PKD1: variants seen among roughly 807,000 people sequenced by gnomAD.
PKD1 encodes polycystin 1, transient receptor potential channel interacting.
Under a neutral mutation model 361.7 loss-of-function variants are expected in PKD1, and 81 were observed. That is an observed-to-expected ratio of 0.22 (90% CI 0.19 to 0.27). The LOEUF is 0.27. Ranked by LOEUF, PKD1 falls within the 10% of genes least tolerant of loss-of-function variation. The pLI, the probability that PKD1 is intolerant of heterozygous loss-of-function variation, is 1.00. For synonymous variants in PKD1, 3,615 were observed against 2,818.3 expected, an observed-to-expected ratio of 1.28 and a Z score of -8.95; for missense variants, 6,399 against 6,118.3, an observed-to-expected ratio of 1.05 and a Z score of -1.53.
rs901261694 is a variant in PKD1 at position 2,089,590 on chromosome 16, A to G, written c.*137T>C. On this transcript the variant is annotated 3_prime_UTR_variant, in exon 46 of 46. Coordinates refer to ENST00000262304, the MANE Select transcript of PKD1 (RefSeq NM_001009944.3). Reference sequence around the variant, plus strand: ...CTTTAAAGTGCTGAAGCCCACAGACAGACAGATGCCCCTGCCTGCTCTCTG... The same window carrying G: ...CTTTAAAGTGCTGAAGCCCACAGACGGACAGATGCCCCTGCCTGCTCTCTG... The G allele has an allele frequency of 2.4e-5, 27 of 1,108,752 alleles. No individual in the cohort carries two copies. In the Admixed American group the frequency reaches 4.6e-4, roughly 19 times the overall value. The allele number at this position is 1,108,752 out of a possible 1,614,324, so 68.7% of individuals were successfully genotyped here.
rs373327969 is a variant in PKD1 at position 2,098,600 on chromosome 16, G to A, written c.10051-616C>T. 9.9e-3 allele frequency among the ~76,000 whole-genome samples: 1,412 copies of A among 142,280 alleles called. 4 individuals carry two copies. Among genetic ancestry groups the A allele is most frequent in the Middle Eastern group, 0.024 (7 of 286 alleles). 93.3% of individuals were successfully genotyped at this position (142,280 alleles called of 152,430 possible). On this transcript the variant is annotated intron_variant, in intron 30 of 45. Coordinates refer to ENST00000262304, the MANE Select transcript of PKD1 (RefSeq NM_001009944.3). Reference sequence around the variant, plus strand: ...CTCGGGAGCAACCCCTCCTGGTCGCGGCTTATGCGCCTTCTCTGTGTGCTG... The same window carrying A: ...CTCGGGAGCAACCCCTCCTGGTCGCAGCTTATGCGCCTTCTCTGTGTGCTG...
chr16:2,114,546 A>T lies in PKD1; in HGVS notation c.2477T>A (p.Val826Asp). 2 of 1,593,396 alleles carry T rather than the reference A, an allele frequency of 1.3e-6. No individual in the cohort carries two copies. The highest frequency in any genetic ancestry group is 1.7e-6 in the Non-Finnish European group (2 of 1,178,602). Reference protein sequence around the residue: ...DVVSPVAGLRVIYPAPRDGRL... With the variant: ...DVVSPVAGLRDIYPAPRDGRL... ...GCCGTCGCGGGGGGCAGGGTAGATGACCCGCAGCCCAGCCACTGGGGAGAC... is the reference window on the plus strand; with the variant it reads ...GCCGTCGCGGGGGGCAGGGTAGATGTCCCGCAGCCCAGCCACTGGGGAGAC... Residue 826 changes from valine (V) to aspartate (D), a missense_variant, in exon 11 of 46, where the codon GTC becomes GAC. Physicochemically the swap from Val to Asp is radical, Grantham distance 152. Coordinates refer to ENST00000262304, the MANE Select transcript of PKD1 (RefSeq NM_001009944.3).
rs1114167373 is a variant in PKD1, at chr16:2,109,181, C to T, written c.5986G>A (p.Val1996Met). Residue 1996 changes from valine (V) to methionine (M), a missense_variant, in exon 15 of 46, where the codon GTG becomes ATG. Val to Met is a conservative substitution (Grantham distance 21). Transcript: ENST00000262304. ...TAGGCGACCCGAGAGCCGCGCTGCA[C>T]GCGGGCTGTGAAGTTCCTCTCAGTG... is the stretch of plus-strand genomic sequence containing the variant. ...TGTERNFTAR[V>M]QRGSRVAYAW... 11 of 1,598,872 alleles carry T rather than the reference C, an allele frequency of 6.9e-6. No individual in the cohort carries two copies. The highest frequency in any genetic ancestry group is 2.2e-5 in the East Asian group (1 of 44,578).
rs1033698873 is a variant in PKD1, at chr16:2,090,142, G to A, written c.12497C>T (p.Ser4166Phe). 5.0e-6 allele frequency: 8 copies of A among 1,595,504 alleles called. No individual in the cohort carries two copies. The highest frequency in any genetic ancestry group is 6.0e-6 in the Non-Finnish European group (7 of 1,170,092). The change falls in exon 46 of 46, where the codon TCC becomes TTC. Residue 4166 changes from serine (S) to phenylalanine (F), a missense_variant. Transcript: ENST00000262304. ...ATCCGGGGATACCTTGGAGCCCCTG[G>A]AGGAGCGAGAGGGCAGCGGCTCCAT... ...EGMEPLPSRS[S>F]RGSKVSPDVP...
intron 1 of PKD1, among the ~76,000 whole-genome samples, chr16:2,125,796 C>CCAG (rs1415321729): frequency 6.6e-6 from 1 of 151,954 alleles, no homozygotes; most frequent in African/African-American, 2.4e-5. Flanking sequence ...TGACATGGAG[C>CCAG]CAGGCGTTGT....
In PKD1 at chr16:2,116,552, A is replaced by C; in HGVS notation, c.1699T>G (p.Ser567Ala). The part of the protein sequence containing the change: ...LTPLAQQDGL[S>A]APHEPVEVMV... ...ACCTCCACGGGCTCGTGCGGGGCTGAGAGGCCGTCCTGCTGTGCCAGAGGC... is the reference window on the plus strand; with the variant it reads ...ACCTCCACGGGCTCGTGCGGGGCTGCGAGGCCGTCCTGCTGTGCCAGAGGC... The change falls in exon 8 of 46, where the codon TCA (serine) becomes GCA (alanine). Residue 567 changes from serine to alanine, a missense_variant. Ser to Ala is a moderately conservative substitution (Grantham distance 99). Transcript: ENST00000262304. The C allele has an allele frequency of 6.4e-7, 1 of 1,557,970 alleles. No individual in the cohort carries two copies. The highest frequency in any genetic ancestry group is 8.7e-7 in the Non-Finnish European group (1 of 1,153,104).
intron 39 of PKD1, 49 bp from the exon 40 acceptor site, chr16:2,092,237 A>C: frequency 1.3e-6 from 2 of 1,538,952 alleles, no homozygotes; most frequent in Non-Finnish European, 1.8e-6. Context: ...ATCAAAACCC[A>C]ACAGGAGTGT....
At chr16:2,105,122 C>T (rs1427481836) in intron 21 of PKD1, among the ~76,000 whole-genome samples, 200 bp downstream of exon 21, 2 of 149,432 alleles carry the variant, frequency 1.3e-5, no homozygotes, top group African/African-American at 4.9e-5. Context: ...ACCCTGGGTC[C>T]CCCGAGAGGC....
chr16:2,123,759 G>A (rs797019968), intron 1 of PKD1, among the ~76,000 whole-genome samples: 1 of 152,190 alleles, frequency 6.6e-6, no homozygotes, highest in Non-Finnish European at 1.5e-5. Flanking sequence ...TGGGGTCCCA[G>A]GCCCTTGCTG....
chr16:2,132,005 C>G (rs1316094770), intron 1 of PKD1: 1 of 152,212 alleles, frequency 6.6e-6, no homozygotes, highest in Non-Finnish European at 1.5e-5. Context: ...AATCCCAACA[C>G]TTTGGGAGGC....
In PKD1 at chr16:2,100,230, A is replaced by G. The variant is rs531671902; in HGVS notation, c.9648T>C (p.Asn3216=). The change falls in exon 28 of 46, where the codon AAT becomes AAC. Residue 3216 remains asparagine, a synonymous_variant. Coordinates refer to ENST00000262304, the MANE Select transcript of PKD1 (RefSeq NM_001009944.3). The surrounding 1 kb of genome is among the most constrained non-coding windows in gnomAD (Gnocchi z 4.4). ...QTARSAFFLV[N]DWLSVETEAN... is the part of the protein sequence containing the mutation. Reference sequence around the variant, plus strand: ...CCTCCGTCTCCACCGAAAGCCAGTCATTGACCAGGAAGAAGGCGCTGCGTG... The same window carrying G: ...CCTCCGTCTCCACCGAAAGCCAGTCGTTGACCAGGAAGAAGGCGCTGCGTG... 12 of 1,610,620 alleles carry G rather than the reference A, an allele frequency of 7.5e-6. No homozygotes were observed. In the Admixed American group the frequency reaches 8.3e-5, roughly 11 times the overall value.
chr16:2,093,166 G>C, intron 37 of PKD1, 73 bp from the exon 38 acceptor site: 1 of 1,560,142 alleles, frequency 6.4e-7, no homozygotes, highest in East Asian at 2.2e-5. Context: ...GCAACGGCTG[G>C]AGCCATGGCT....
chr16:2,112,949 G>A lies in PKD1; in HGVS notation c.3000C>T (p.Asn1000=), dbSNP rs1425489093. The change falls in exon 13 of 46, where the codon AAC becomes AAT. Residue 1000 remains asparagine (N), a synonymous_variant. Coordinates refer to ENST00000262304, the MANE Select transcript of PKD1 (RefSeq NM_001009944.3). ...AGTTCACGGTGACGTTGCTCACGTGGTTGGAGGCCGTCAGCTGCAGGGACA... is the reference window on the plus strand; with the variant it reads ...AGTTCACGGTGACGTTGCTCACGTGATTGGAGGCCGTCAGCTGCAGGGACA... ...AVFKLSLTAS[N]HVSNVTVNYN... 6 of 1,600,598 alleles carry A rather than the reference G, an allele frequency of 3.7e-6. No individual in the cohort carries two copies. In the Admixed American group the frequency reaches 8.3e-5, roughly 22 times the overall value.
chr16:2,097,097 T>A, intron 34 of PKD1, 51 bp downstream of exon 34: 4 of 1,318,772 alleles, frequency 3.0e-6, no homozygotes, highest in Non-Finnish European at 4.2e-6. Flanking sequence ...CTGGCCTGAG[T>A]CCCGGCCCCT....
At chr16:2,130,930 A>G (rs2092867966) in intron 1 of PKD1, among the ~76,000 whole-genome samples, 1 of 152,214 alleles carries the variant, frequency 6.6e-6, no homozygotes, top group African/African-American at 2.4e-5. Context: ...GGTGACCCCC[A>G]GCCAGGGTGA....
Position 2,089,585 on chromosome 16 carries a change from C to T in PKD1, c.*142G>A. 1 of 1,069,124 alleles carries T rather than the reference C, an allele frequency of 9.4e-7. No homozygotes were observed. The highest frequency in any genetic ancestry group is 1.4e-6 in the Non-Finnish European group (1 of 736,258). The allele number at this position is 1,069,124 out of a possible 1,614,324, so 66.2% of individuals were successfully genotyped here. A position where few individuals can be genotyped will look rare whatever the true frequency, so the allele number is the denominator to read the frequency against. ...AGCCTCTTTAAAGTGCTGAAGCCCACAGACAGACAGATGCCCCTGCCTGCT... is the reference window on the plus strand; with the variant it reads ...AGCCTCTTTAAAGTGCTGAAGCCCATAGACAGACAGATGCCCCTGCCTGCT... On this transcript the variant is annotated 3_prime_UTR_variant, in exon 46 of 46. Transcript: ENST00000262304.
chr16:2,094,417 C>G (rs866867145), intron 34 of PKD1, among the ~76,000 whole-genome samples: 1 of 152,172 alleles, frequency 6.6e-6, no homozygotes, highest in Non-Finnish European at 1.5e-5. Context: ...CGAAGTCAGG[C>G]GTCCGCCTGC....
Position 2,089,454 on chromosome 16 carries a change from G to C in PKD1, c.*273C>G, listed in dbSNP as rs909207729. ...CCGGGCACAGCCCGCTGTACCTGAG[G>C]ACTCGGGGAAATAAATTAGCATCTC... On this transcript the variant is annotated 3_prime_UTR_variant, in exon 46 of 46. Coordinates refer to ENST00000262304, the MANE Select transcript of PKD1 (RefSeq NM_001009944.3). The C allele has an allele frequency of 1.7e-5, 9 of 535,564 alleles. No homozygotes were observed. Among genetic ancestry groups the C allele is most frequent in the African/African-American group, 1.5e-4 (8 of 52,414 alleles). The allele number at this position is 535,564 out of a possible 1,614,324, so 33.2% of individuals were successfully genotyped here. A position where few individuals can be genotyped will look rare whatever the true frequency, so the allele number is the denominator to read the frequency against.
At position 2,109,064 on chromosome 16, in the gene PKD1, G is replaced by A. The variant is rs145336672; in HGVS notation, c.6103C>T (p.Leu2035=). The change falls in exon 15 of 46, where the codon CTG becomes TTG. Residue 2035 remains leucine (L), a synonymous_variant. Transcript: ENST00000262304. ...AAGGCGCGCACCTGGATCTCCAACA[G>A]CCCCGCGGCCACGGGCGTGTAGGTG... The part of the protein sequence containing the change: ...DVTYTPVAAG[L]LEIQVRAFNA... 3.7e-6 allele frequency: 6 copies of A among 1,606,240 alleles called. No individual in the cohort carries two copies. Among genetic ancestry groups the A allele is most frequent in the Non-Finnish European group, 4.3e-6 (5 of 1,175,530 alleles).
Sources: gnomAD v4.1 joint callset for allele counts (sites outside exome capture counted in the v4.1 genomes callset) on GRCh38, gnomAD v4.1.1 for gene constraint, Gnocchi (gnomAD v3.1) non-coding constraint, MANE v1.5 for transcripts, NCBI Gene and HGNC (gene_info 2026-07-23, HGNC 2026-07-21) for gene names.